The following FBXO8 variants were observed in gnomAD, a reference collection of about 807,000 sequenced individuals.
FBXO8 encodes the protein F-box protein 8, also known as F-box only protein 8.
Under a neutral mutation model 33.4 loss-of-function variants are expected in FBXO8, and 15 were observed. The ratio of observed to expected loss-of-function variants is 0.45; its 90% confidence interval spans 0.30 to 0.69. The LOEUF (loss-of-function observed/expected upper bound fraction) is 0.69. Among genes scored for constraint, FBXO8 ranks in the 30% least tolerant of loss-of-function variants. FBXO8 has a pLI of 0.08. For synonymous variants in FBXO8, 132 were observed against 131.5 expected, an observed-to-expected ratio of 1.00 and a Z score of -0.02; for missense variants, 274 against 380.3, an observed-to-expected ratio of 0.72 and a Z score of 2.32.
At position 174,280,321 on chromosome 4, in the gene FBXO8, G is replaced by GA. The variant is rs200920081; in HGVS notation, c.-9+3088dup. On this transcript the variant is annotated intron_variant, in intron 1 of 5. Transcript: ENST00000393674. Reference sequence around the variant, plus strand: ...TATACCCATTAAGATAGTTACTATCGAAAAAAAAATAAGTCTTGGCAAGGA... The same window carrying GA: ...TATACCCATTAAGATAGTTACTATCGAAAAAAAAAATAAGTCTTGGCAAGGA... 2.7e-3 allele frequency among the ~76,000 whole-genome samples: 396 copies of GA among 149,150 alleles called. 1 individual carries two copies. Among genetic ancestry groups the GA allele is most frequent in the Non-Finnish European group, 5.0e-3 (337 of 67,236 alleles).
At chr4:174,268,218 A>C (rs2126442541) in intron 1 of FBXO8, among the ~76,000 whole-genome samples, 1 of 152,306 alleles carries the variant, frequency 6.6e-6, no homozygotes, top group East Asian at 1.9e-4. Flanking sequence ...TATTTTCATT[A>C]ACTGATCAAT....
In FBXO8 at chr4:174,275,097, A is replaced by G. The variant is rs1424323387; in HGVS notation, c.-9+8313T>C. On this transcript the variant is annotated intron_variant, in intron 1 of 5. Transcript: ENST00000393674. This position sits in a 1 kb window ranked among gnomAD's most constrained non-coding sequence, Gnocchi z 4.4. Reference sequence around the variant, plus strand: ...TATAAACAACTCTCAAAACAATAGTAAACAAAAACCAAACAATCCAATATA... The same window carrying G: ...TATAAACAACTCTCAAAACAATAGTGAACAAAAACCAAACAATCCAATATA... Among the ~76,000 whole-genome samples, 1 of 152,216 alleles carries G rather than the reference A, an allele frequency of 6.6e-6. No homozygotes were observed. Among genetic ancestry groups the G allele is most frequent in the Non-Finnish European group, 1.5e-5 (1 of 68,046 alleles).
At position 174,272,818 on chromosome 4, in the gene FBXO8, C is replaced by A. The variant is rs991918037; in HGVS notation, c.-8-9718G>T. 3.9e-5 allele frequency among the ~76,000 whole-genome samples: 6 copies of A among 152,192 alleles called. No individual in the cohort carries two copies. Among genetic ancestry groups the A allele is most frequent in the African/African-American group, 1.2e-4 (5 of 41,520 alleles). ...ATTAAGAAATAAGACAAAACCTTAA[C>A]CAAATGATGAAAATTAACATTTACA... On this transcript the variant is annotated intron_variant, in intron 1 of 5. Transcript: ENST00000393674. This position sits in a 1 kb window ranked among gnomAD's most constrained non-coding sequence, Gnocchi z 4.7.
At chr4:174,282,117 A>G (rs1737110340) in intron 1 of FBXO8, among the ~76,000 whole-genome samples, 3 of 152,214 alleles carry the variant, frequency 2.0e-5, no homozygotes, top group Admixed American at 6.5e-5. Context: ...TGGTAATTCA[A>G]TGTTTTTATA....
rs1736858225 is a variant in FBXO8, at chr4:174,272,405, T to C, written c.-8-9305A>G. ...ATAGTTGTTATACTGTATTCTAAAA[T>C]TTGTATTATTATTTATTGTTGTACT... On this transcript the variant is annotated intron_variant, in intron 1 of 5. Transcript: ENST00000393674. This position sits in a 1 kb window ranked among gnomAD's most constrained non-coding sequence, Gnocchi z 4.7. 6.6e-6 allele frequency among the ~76,000 whole-genome samples: 1 copy of C among 152,224 alleles called. No homozygotes were observed. Among genetic ancestry groups the C allele is most frequent in the African/African-American group, 2.4e-5 (1 of 41,464 alleles).
In FBXO8 at chr4:174,275,810, T is replaced by C. The variant is rs994630166; in HGVS notation, c.-9+7600A>G. 6.6e-6 allele frequency among the ~76,000 whole-genome samples: 1 copy of C among 152,132 alleles called. No homozygotes were observed. The highest frequency in any genetic ancestry group is 2.4e-5 in the African/African-American group (1 of 41,450). On this transcript the variant is annotated intron_variant, in intron 1 of 5. Coordinates refer to ENST00000393674, the MANE Select transcript of FBXO8 (RefSeq NM_012180.3). The surrounding 1 kb of genome is among the most constrained non-coding windows in gnomAD (Gnocchi z 4.4). ...CACTTCAGGTAAATTTGAATACATA[T>C]GGATCAAAAGAAGATGGAATTAAGG...
intron 3 of FBXO8, among the ~76,000 whole-genome samples, chr4:174,246,222 C>A (rs1736155583): frequency 6.6e-6 from 1 of 151,848 alleles, no homozygotes; most frequent in African/African-American, 2.4e-5. Flanking sequence ...GGACAGGGAC[C>A]AAGCCATGGT....
At chr4:174,279,261 A>G (rs1331238824) in intron 1 of FBXO8, among the ~76,000 whole-genome samples, 1 of 152,062 alleles carries the variant, frequency 6.6e-6, no homozygotes, top group African/African-American at 2.4e-5. Flanking sequence ...AGAAAATAAT[A>G]CCAACTACAA....
At position 174,278,979 on chromosome 4, in the gene FBXO8, C is replaced by T. The variant is rs1429664089; in HGVS notation, c.-9+4431G>A. ...TAAAATTTTGAGGTCTCAGTTTCCTCCCCTGTAAAATAAGGGTTTTGAAAC... is the reference window on the plus strand; with the variant it reads ...TAAAATTTTGAGGTCTCAGTTTCCTTCCCTGTAAAATAAGGGTTTTGAAAC... On this transcript the variant is annotated intron_variant, in intron 1 of 5. Transcript: ENST00000393674. This position sits in a 1 kb window ranked among gnomAD's most constrained non-coding sequence, Gnocchi z 4.1. Among the ~76,000 whole-genome samples, 1 of 152,032 alleles carries T rather than the reference C, an allele frequency of 6.6e-6. No homozygotes were observed. Among genetic ancestry groups the T allele is most frequent in the East Asian group, 1.9e-4 (1 of 5,182 alleles).
At chr4:174,244,287 T>A (rs955428757) in intron 3 of FBXO8, among the ~76,000 whole-genome samples, 1 of 151,642 alleles carries the variant, frequency 6.6e-6, no homozygotes, top group African/African-American at 2.4e-5. Flanking sequence ...TAGATGAGTA[T>A]AGATGTAAAG....
rs1228310661 is a variant in FBXO8 at position 174,256,654 on chromosome 4, A to C, written c.456+3045T>G. Among the ~76,000 whole-genome samples, 1 of 152,166 alleles carries C rather than the reference A, an allele frequency of 6.6e-6. No individual in the cohort carries two copies. The highest frequency in any genetic ancestry group is 1.5e-5 in the Non-Finnish European group (1 of 68,024). The stretch of plus-strand genomic sequence containing the variant: ...TGAACTACTTCCCCTCATTTCTCTG[A>C]CCTTATTAAGTGTATTGCAATGTCC... On this transcript the variant is annotated intron_variant, in intron 3 of 5. Transcript: ENST00000393674. This position sits in a 1 kb window ranked among gnomAD's most constrained non-coding sequence, Gnocchi z 4.6.
chr4:174,244,921 A>T (rs1736124147), intron 3 of FBXO8, among the ~76,000 whole-genome samples: 1 of 151,760 alleles, frequency 6.6e-6, no homozygotes, highest in Non-Finnish European at 1.5e-5. Context: ...TTCACTTTAC[A>T]TTTAGATAGA....
In FBXO8 at chr4:174,259,438, T is replaced by C. The variant is rs938137802; in HGVS notation, c.456+261A>G. Among the ~76,000 whole-genome samples, 4 of 152,096 alleles carry C rather than the reference T, an allele frequency of 2.6e-5. No individual in the cohort carries two copies. The highest frequency in any genetic ancestry group is 6.6e-5 in the Admixed American group (1 of 15,252). On this transcript the variant is annotated intron_variant, in intron 3 of 5. Transcript: ENST00000393674. This position sits in a 1 kb window ranked among gnomAD's most constrained non-coding sequence, Gnocchi z 4.3. ...CTCTACTTATAATGTACTAATATTG[T>C]AATCAGGTCAGTAGAGGACTGAATA...
chr4:174,238,578 T>C (rs1244105537), intron 5 of FBXO8, among the ~76,000 whole-genome samples: 2 of 151,320 alleles, frequency 1.3e-5, no homozygotes, highest in Non-Finnish European at 3.0e-5. Context: ...AACAACTTTA[T>C]ATATATACAA....
chr4:174,260,795 A>G (rs1386851417), intron 2 of FBXO8, among the ~76,000 whole-genome samples: 1 of 152,052 alleles, frequency 6.6e-6, no homozygotes, highest in African/African-American at 2.4e-5. Context: ...TACTGAAATT[A>G]TATTCTGATA....
At position 174,272,214 on chromosome 4, in the gene FBXO8, C is replaced by T. The variant is rs1736852894; in HGVS notation, c.-8-9114G>A. On this transcript the variant is annotated intron_variant, in intron 1 of 5. Transcript: ENST00000393674. The surrounding 1 kb of genome is among the most constrained non-coding windows in gnomAD (Gnocchi z 4.7). The stretch of plus-strand genomic sequence containing the variant: ...TGAATTAATTGCTCCTTAGTATTTG[C>T]AGTAGACTGGTTCCAGGATCACCCC... 6.6e-6 allele frequency among the ~76,000 whole-genome samples: 1 copy of T among 152,186 alleles called. No homozygotes were observed. Among genetic ancestry groups the T allele is most frequent in the African/African-American group, 2.4e-5 (1 of 41,434 alleles).
chr4:174,246,974 T>C (rs184089467), intron 3 of FBXO8, among the ~76,000 whole-genome samples: 25 of 152,088 alleles, frequency 1.6e-4, no homozygotes, highest in Non-Finnish European at 2.8e-4. Flanking sequence ...TCACTAGGAA[T>C]AAACTAAAGG....
At position 174,278,802 on chromosome 4, in the gene FBXO8, G is replaced by A. The variant is rs967500669; in HGVS notation, c.-9+4608C>T. Among the ~76,000 whole-genome samples the A allele has an allele frequency of 2.0e-5, 3 of 152,050 alleles. No individual in the cohort carries two copies. The highest frequency in any genetic ancestry group is 2.9e-5 in the Non-Finnish European group (2 of 67,940). ...GTTGCTTTTATACAAATAAAACAAG[G>A]TATTAAATTAAATGAATATTGAAGG... On this transcript the variant is annotated intron_variant, in intron 1 of 5. Transcript: ENST00000393674. The surrounding 1 kb of genome is among the most constrained non-coding windows in gnomAD (Gnocchi z 4.1).
At chr4:174,242,744 G>A (rs1736069424) in intron 3 of FBXO8, among the ~76,000 whole-genome samples, 1 of 151,458 alleles carries the variant, frequency 6.6e-6, no homozygotes, top group Admixed American at 6.6e-5. Context: ...CTAGAAAACT[G>A]TTAATGCTTG....
Sources: gnomAD v4.1 joint callset for allele counts (sites outside exome capture counted in the v4.1 genomes callset) on GRCh38, gnomAD v4.1.1 for gene constraint, Gnocchi (gnomAD v3.1) non-coding constraint, MANE v1.5 for transcripts, NCBI Gene and HGNC (gene_info 2026-07-23, HGNC 2026-07-21) for gene names.